The following PAN3 variants were observed in gnomAD, a reference collection of about 807,000 sequenced individuals.
PAN3 encodes PAN2-PAN3 deadenylation complex subunit PAN3.
Under a neutral mutation model 96.2 loss-of-function variants are expected in PAN3, and 19 were observed. That is an observed-to-expected ratio of 0.20 (90% CI 0.14 to 0.29). PAN3 has a LOEUF of 0.29. PAN3 is among the 10% of genes least tolerant of loss of function. The pLI, the probability that PAN3 is intolerant of heterozygous loss-of-function variation, is 1.00. For missense variants in PAN3, 882 were observed against 1,108.1 expected (o/e 0.80, Z 2.90); for synonymous variants, 433 against 406.6 (o/e 1.06, Z -0.78).
rs746947957 is a variant in PAN3 at position 28,258,878 on chromosome 13, T to C, written c.1249-1569T>C. On this transcript the variant is annotated intron_variant, in intron 7 of 18. Coordinates refer to ENST00000380958, the MANE Select transcript of PAN3 (RefSeq NM_175854.8). Reference sequence around the variant, plus strand: ...CTTTAAATTATCTCTAGATTACTTATAATACCTAATGCAGTATAAGTGCTT... The same window carrying C: ...CTTTAAATTATCTCTAGATTACTTACAATACCTAATGCAGTATAAGTGCTT... Among the ~76,000 whole-genome samples, 6 of 152,344 alleles carry C rather than the reference T, an allele frequency of 3.9e-5. No homozygotes were observed. In the South Asian group the frequency reaches 8.3e-4, roughly 21 times the overall value.
intron 5 of PAN3, among the ~76,000 whole-genome samples, chr13:28,218,170 GTTATT>G (rs1260538118): frequency 6.6e-6 from 1 of 151,918 alleles, no homozygotes; most frequent in African/African-American, 2.4e-5. Context: ...ATTGTTACAT[GTTATT>G]TTAAAGATTT....
At chr13:28,204,659 A>G (rs1394797244) in intron 5 of PAN3, among the ~76,000 whole-genome samples, 1 of 152,208 alleles carries the variant, frequency 6.6e-6, no homozygotes, top group African/African-American at 2.4e-5. Flanking sequence ...TTTTGAAAGG[A>G]CAACTTAATG....
intron 5 of PAN3, among the ~76,000 whole-genome samples, chr13:28,206,119 A>G (rs906010065): frequency 6.6e-6 from 1 of 152,038 alleles, no homozygotes; most frequent in Non-Finnish European, 1.5e-5. Context: ...TATGAACCCC[A>G]CAACAAAGCA....
intron 5 of PAN3, among the ~76,000 whole-genome samples, chr13:28,208,282 T>C (rs972311698): frequency 2.0e-5 from 3 of 152,202 alleles, no homozygotes; most frequent in Non-Finnish European, 4.4e-5. Flanking sequence ...ATCGTAGCTG[T>C]GTAAAGTAGT....
chr13:28,176,659 G>A, intron 3 of PAN3, 100 bp downstream of exon 3: 4 of 1,130,998 alleles, frequency 3.5e-6, no homozygotes, highest in Non-Finnish European at 3.9e-6. Context: ...TTGTAAACGG[G>A]CATAAAGAAG....
chr13:28,279,822 T>C (rs1268310895), intron 15 of PAN3, among the ~76,000 whole-genome samples: 1 of 151,770 alleles, frequency 6.6e-6, no homozygotes, highest in African/African-American at 2.4e-5. Flanking sequence ...TTTTTTGAGA[T>C]GGAGTTTCAC....
intron 6 of PAN3, among the ~76,000 whole-genome samples, chr13:28,252,206 T>A (rs1184725193): frequency 6.6e-6 from 1 of 150,900 alleles, no homozygotes; most frequent in Non-Finnish European, 1.5e-5. Flanking sequence ...TTTTTTTTTT[T>A]TTTTAAGATC....
At chr13:28,208,030 T>C (rs998875048) in intron 5 of PAN3, among the ~76,000 whole-genome samples, 1 of 152,210 alleles carries the variant, frequency 6.6e-6, no homozygotes, top group Non-Finnish European at 1.5e-5. Flanking sequence ...TTTGACCTAA[T>C]GTGTTCCTGA....
chr13:28,231,114 G>A (rs1291489618), intron 6 of PAN3, among the ~76,000 whole-genome samples: 2 of 152,222 alleles, frequency 1.3e-5, no homozygotes, highest in African/African-American at 4.8e-5. Context: ...TTATAGGCCA[G>A]TGGGTAAGAT....
intron 6 of PAN3, among the ~76,000 whole-genome samples, chr13:28,251,875 G>GTTT (rs5802468): frequency 0.029 from 4,337 of 150,324 alleles, 155 homozygotes; most frequent in African/African-American, 0.087. Context: ...TCTTGGGGTT[G>GTTT]GTTTGTTTGT....
At chr13:28,261,669 C>CA (rs919759967) in intron 9 of PAN3, among the ~76,000 whole-genome samples, 10 of 151,594 alleles carry the variant, frequency 6.6e-5, no homozygotes, top group African/African-American at 2.4e-4. Flanking sequence ...CCTGTCTCTA[C>CA]AAAAAATAAA....
At chr13:28,238,752 G>A (rs1883330381) in intron 6 of PAN3, among the ~76,000 whole-genome samples, 1 of 152,046 alleles carries the variant, frequency 6.6e-6, no homozygotes, top group African/African-American at 2.4e-5. Context: ...ATGTTTCAGT[G>A]TTATGAAATT....
In PAN3 at chr13:28,153,232, CT is replaced by C. The variant is rs10651877; in HGVS notation, c.430+14167del. Among the ~76,000 whole-genome samples, 958 of 101,478 alleles carry C rather than the reference CT, an allele frequency of 9.4e-3. 1 individual carries two copies. Among genetic ancestry groups the C allele is most frequent in the African/African-American group, 0.012 (289 of 23,500 alleles). 66.6% of individuals were successfully genotyped at this position (101,478 alleles called of 152,430 possible). A position where few individuals can be genotyped will look rare whatever the true frequency, so the allele number is the denominator to read the frequency against. On this transcript the variant is annotated intron_variant, in intron 1 of 18. Transcript: ENST00000380958. ...AAGTTACAAAACTATGTATAATACG[CT>C]TTTTTTTTTTTTTTTTTTTTTGAGA...
At chr13:28,168,309 T>G (rs999047607) in intron 1 of PAN3, among the ~76,000 whole-genome samples, 2 of 152,224 alleles carry the variant, frequency 1.3e-5, no homozygotes, top group Non-Finnish European at 2.9e-5. Context: ...CCAGTGAGCA[T>G]TTCCTTTGAG....
chr13:28,223,554 TTTTTTTGTTTTTTG>T (rs970707089), intron 6 of PAN3, among the ~76,000 whole-genome samples: 4 of 152,030 alleles, frequency 2.6e-5, no homozygotes, highest in African/African-American at 4.8e-5. Context: ...CCACTGTTTT[TTTTTTTGTTTTTTG>T]TTTTTTGTTT....
At chr13:28,191,876 A>T (rs1022175209) in intron 4 of PAN3, among the ~76,000 whole-genome samples, 3 of 151,740 alleles carry the variant, frequency 2.0e-5, no homozygotes, top group African/African-American at 4.8e-5. Flanking sequence ...AGTAGGTGGG[A>T]CTATAGGCAT....
intron 6 of PAN3, among the ~76,000 whole-genome samples, chr13:28,223,747 A>C (rs998698896): frequency 6.6e-6 from 1 of 151,500 alleles, no homozygotes; most frequent in Non-Finnish European, 1.5e-5. Context: ...CTAAAGATAC[A>C]TTTTTCTAGT....
At chr13:28,225,272 T>A (rs1378071049) in intron 6 of PAN3, among the ~76,000 whole-genome samples, 1 of 152,162 alleles carries the variant, frequency 6.6e-6, no homozygotes, top group Admixed American at 6.5e-5. Flanking sequence ...TTCAGAAATA[T>A]CAAAACTTTT....
intron 6 of PAN3, chr13:28,239,629 A>G: frequency 1.6e-6 from 2 of 1,289,744 alleles, no homozygotes; most frequent in Non-Finnish European, 2.0e-6. Flanking sequence ...AAATCCTACA[A>G]TTCATGAAAC....
Sources: gnomAD v4.1 joint callset for allele counts (sites outside exome capture counted in the v4.1 genomes callset) on GRCh38, gnomAD v4.1.1 for gene constraint, MANE v1.5 for transcripts, NCBI Gene and HGNC (gene_info 2026-07-23, HGNC 2026-07-21) for gene names.